MME: variants seen among roughly 807,000 people sequenced by gnomAD.
MME encodes neprilysin.
Under a neutral mutation model 113.2 loss-of-function variants are expected in MME, and 98 were observed. The observed-to-expected ratio is 0.87, with a 90% CI of 0.74 to 1.02. MME has a LOEUF of 1.02. Among genes scored for constraint, MME ranks in the 50% least tolerant of loss-of-function variants. The pLI is 0.00. For missense variants in MME, 836 were observed against 896.0 expected (o/e 0.93, Z 0.86); for synonymous variants, 292 against 300.6 (o/e 0.97, Z 0.30).
chr3:155,115,271 C>A, intron 4 of MME, 116 bp downstream of exon 4: 1 of 1,305,976 alleles, frequency 7.7e-7, no homozygotes, highest in Non-Finnish European at 1.1e-6. Context: ...AGTTAATAAT[C>A]CTTCCAGGAT....
intron 3 of MME, among the ~76,000 whole-genome samples, chr3:155,109,230 G>C (rs1474726544): frequency 6.6e-6 from 1 of 152,050 alleles, no homozygotes; most frequent in Non-Finnish European, 1.5e-5. Context: ...AAATTCAAGA[G>C]ACCTGTTTAC....
intron 8 of MME, among the ~76,000 whole-genome samples, chr3:155,125,278 A>G (rs9856798): frequency 0.51 from 54,050 of 105,788 alleles, 11,162 homozygotes; most frequent in South Asian, 0.56. Context: ...GCTTCGGCTC[A>G]CGCACGGTGC....
intron 3 of MME, among the ~76,000 whole-genome samples, chr3:155,101,773 T>G (rs938504508): frequency 6.6e-6 from 1 of 152,212 alleles, no homozygotes; most frequent in African/African-American, 2.4e-5. Context: ...TGCTTGTAGC[T>G]GAGAACTTCT....
At chr3:155,045,468 T>G (rs997660460) in intron 1 of MME, among the ~76,000 whole-genome samples, 1 of 152,094 alleles carries the variant, frequency 6.6e-6, no homozygotes, top group Non-Finnish European at 1.5e-5. Context: ...CTTTTAAGTA[T>G]TTTTAAGTAT....
intron 3 of MME, among the ~76,000 whole-genome samples, chr3:155,094,024 C>G (rs555281346): frequency 7.2e-5 from 11 of 152,236 alleles, no homozygotes; most frequent in Non-Finnish European, 1.6e-4. Flanking sequence ...ATGTATCCCT[C>G]TAAGGCCACT....
intron 10 of MME, 125 bp from the exon 11 acceptor site, chr3:155,141,866 T>C (rs1721113826): frequency 9.7e-7 from 1 of 1,030,142 alleles, no homozygotes; most frequent in Admixed American, 2.2e-5. Context: ...AAAAACTGAT[T>C]GAAACAATTG....
intron 1 of MME, among the ~76,000 whole-genome samples, chr3:155,036,949 A>G: frequency 6.6e-6 from 1 of 152,248 alleles, no homozygotes; most frequent in Non-Finnish European, 1.5e-5. Flanking sequence ...TTCCAAATGA[A>G]TATCTTCTCC....
At chr3:155,138,809 T>C (rs142195032) in intron 9 of MME, among the ~76,000 whole-genome samples, 153 of 152,076 alleles carry the variant, frequency 1.0e-3, no homozygotes, top group Middle Eastern at 3.4e-3. Flanking sequence ...ACCCTTGGAG[T>C]CTGAGTTGGC....
At chr3:155,108,267 C>G (rs1717863964) in intron 3 of MME, among the ~76,000 whole-genome samples, 1 of 151,960 alleles carries the variant, frequency 6.6e-6, no homozygotes, top group African/African-American at 2.4e-5. Flanking sequence ...TATGGGAAAC[C>G]ATCAAAGACC....
At chr3:155,143,359 T>G in intron 12 of MME, 84 bp from the exon 13 acceptor site, 21 of 1,485,524 alleles carry the variant, frequency 1.4e-5, no homozygotes, top group Non-Finnish European at 1.8e-5. Context: ...AGAACTTAGA[T>G]GAGACATTTG....
In MME at chr3:155,098,727, T is replaced by C. The variant is rs1716959247; in HGVS notation, c.196+13633T>C. On this transcript the variant is annotated intron_variant, in intron 3 of 22. Transcript: ENST00000360490. ...GATGAAGATTTCAGAGGTACAACTG[T>C]TCTGGGTGATGAGAACATTAAGATG... is the stretch of plus-strand genomic sequence containing the variant. Among the ~76,000 whole-genome samples the C allele has an allele frequency of 2.6e-5, 4 of 152,000 alleles. No homozygotes were observed. The East Asian group carries it at 7.7e-4, about 29-fold the overall frequency.
intron 16 of MME, among the ~76,000 whole-genome samples, chr3:155,155,439 T>G (rs145197941): frequency 6.6e-6 from 1 of 152,294 alleles, no homozygotes; most frequent in Non-Finnish European, 1.5e-5. Context: ...TGCATAGCAA[T>G]GGTGCCCTCT....
chr3:155,109,351 G>C (rs1717974425), intron 3 of MME, among the ~76,000 whole-genome samples: 2 of 152,112 alleles, frequency 1.3e-5, no homozygotes, highest in Admixed American at 1.3e-4. Context: ...GATCATGGGT[G>C]GTGTCTGGGT....
At chr3:155,161,846 C>T (rs1722744803) in intron 17 of MME, among the ~76,000 whole-genome samples, 1 of 152,252 alleles carries the variant, frequency 6.6e-6, no homozygotes, top group Non-Finnish European at 1.5e-5. Flanking sequence ...CATACCAGAA[C>T]GTGCTTAATA....
intron 3 of MME, among the ~76,000 whole-genome samples, chr3:155,096,230 A>T (rs1215891068): frequency 6.6e-6 from 1 of 152,202 alleles, no homozygotes; most frequent in East Asian, 1.9e-4. Context: ...GCCGCAGGGG[A>T]CATCTAAGGG....
At chr3:155,027,189 T>A (rs1445238988) in intron 1 of MME, among the ~76,000 whole-genome samples, 2 of 152,200 alleles carry the variant, frequency 1.3e-5, no homozygotes, top group Non-Finnish European at 2.9e-5. Flanking sequence ...TGGACTCATT[T>A]CAGAACTGCC....
chr3:155,046,674 G>C (rs1217627248), intron 1 of MME, among the ~76,000 whole-genome samples: 2 of 152,168 alleles, frequency 1.3e-5, no homozygotes, highest in African/African-American at 4.8e-5. Flanking sequence ...TGGGCTACAA[G>C]AGTGAGACTT....
At chr3:155,039,695 A>T (rs1025487618) in intron 1 of MME, among the ~76,000 whole-genome samples, 3 of 152,136 alleles carry the variant, frequency 2.0e-5, no homozygotes, top group Non-Finnish European at 4.4e-5. Context: ...TAGAAAACAA[A>T]CAATGAAGCA....
chr3:155,162,521 A>T (rs942433990), intron 17 of MME, among the ~76,000 whole-genome samples: 1 of 152,126 alleles, frequency 6.6e-6, no homozygotes, highest in Admixed American at 6.6e-5. Flanking sequence ...AGATCCTTAA[A>T]ATAAGGATCC....
Sources: allele counts gnomAD v4.1 joint callset (sites outside exome capture counted in the v4.1 genomes callset), GRCh38; gene constraint gnomAD v4.1.1; transcripts MANE v1.5; gene names NCBI Gene and HGNC (gene_info 2026-07-23, HGNC 2026-07-21).